EYS: variants seen among roughly 807,000 people sequenced by gnomAD.
The protein encoded by EYS is protein eyes shut homolog.
In EYS, 250 loss-of-function variants were observed where a neutral mutation model predicts 282.1. The observed-to-expected ratio is 0.89, with a 90% confidence interval of 0.80 to 0.98. The LOEUF (loss-of-function observed/expected upper bound fraction) is 0.98. EYS is among the 50% of genes least tolerant of loss of function. EYS has a pLI of 0.00. For synonymous variants in EYS, 1,355 were observed against 1,282.9 expected (o/e 1.06, Z -1.20); for missense variants, 4,016 against 3,709.0 (o/e 1.08, Z -2.15).
At chr6:64,448,410 T>C (rs908235462) in intron 26 of EYS, among the ~76,000 whole-genome samples, 15 of 152,350 alleles carry the variant, frequency 9.8e-5, no homozygotes, top group African/African-American at 3.4e-4. Flanking sequence ...TGCCTGCCTC[T>C]GTAGGCTCCA....
In EYS at chr6:64,196,665, G is replaced by A. The variant is rs557885834; in HGVS notation, c.6424+33927C>T. The stretch of plus-strand genomic sequence containing the variant: ...AAGAACAAAAAACCAAACACCGCAT[G>A]TTCTCACTCATAGATGGGAATTGAA... On this transcript the variant is annotated intron_variant, in intron 31 of 42. Transcript: ENST00000503581. 7.3e-5 allele frequency among the ~76,000 whole-genome samples: 11 copies of A among 149,712 alleles called. No homozygotes were observed. The East Asian group carries it at 1.6e-3, about 22-fold the overall frequency.
intron 41 of EYS, among the ~76,000 whole-genome samples, chr6:63,729,232 A>G (rs1316532063): frequency 2.0e-5 from 3 of 152,160 alleles, no homozygotes; most frequent in African/African-American, 7.2e-5. Context: ...TCTCTATCAG[A>G]TATATATTTT....
chr6:65,512,828 G>T (rs939972936), intron 2 of EYS, among the ~76,000 whole-genome samples: 4 of 151,990 alleles, frequency 2.6e-5, no homozygotes, highest in African/African-American at 9.7e-5. Context: ...ATGCCCACAA[G>T]AGAAAGCAGG....
intron 12 of EYS, among the ~76,000 whole-genome samples, chr6:65,145,824 G>A (rs1282991994): frequency 6.6e-6 from 1 of 151,830 alleles, no homozygotes; most frequent in Non-Finnish European, 1.5e-5. Flanking sequence ...ATGCATTTCA[G>A]AAGAATATTA....
intron 41 of EYS, among the ~76,000 whole-genome samples, chr6:63,733,957 G>C (rs1403825724): frequency 6.6e-6 from 1 of 151,992 alleles, no homozygotes; most frequent in Non-Finnish European, 1.5e-5. Context: ...AGATAGCCAA[G>C]AACAAAAACA....
intron 12 of EYS, among the ~76,000 whole-genome samples, chr6:65,231,406 A>G (rs1766779910): frequency 2.6e-5 from 4 of 151,580 alleles, no homozygotes; most frequent in Non-Finnish European, 5.9e-5. Context: ...AAATTGTTCT[A>G]TGTCGCTCAA....
At chr6:64,306,693 T>C (rs947747808) in intron 30 of EYS, among the ~76,000 whole-genome samples, 7 of 152,188 alleles carry the variant, frequency 4.6e-5, no homozygotes, top group African/African-American at 1.4e-4. Context: ...CTAACTCTGA[T>C]AGAAGATGTT....
intron 33 of EYS, among the ~76,000 whole-genome samples, chr6:64,019,413 T>C (rs1429939089): frequency 7.5e-6 from 1 of 132,650 alleles, no homozygotes; most frequent in Admixed American, 7.3e-5. Flanking sequence ...TTTTCTTTCT[T>C]TCCTTTTTAT....
chr6:65,568,376 C>T (rs554857639), intron 2 of EYS, among the ~76,000 whole-genome samples: 1 of 150,444 alleles, frequency 6.6e-6, no homozygotes, highest in Non-Finnish European at 1.5e-5. Context: ...GTTGGGTCTT[C>T]ATTTTAAAGG....
chr6:63,958,979 C>A (rs1037474157), intron 35 of EYS, among the ~76,000 whole-genome samples: 1 of 152,170 alleles, frequency 6.6e-6, no homozygotes, highest in Admixed American at 6.6e-5. Context: ...CTTGCTGATA[C>A]ATCTTCCATT....
chr6:63,920,097 G>A (rs866779641), intron 35 of EYS, among the ~76,000 whole-genome samples: 4 of 151,662 alleles, frequency 2.6e-5, no homozygotes, highest in African/African-American at 7.3e-5. Flanking sequence ...TTTTAGTAAC[G>A]CACTTACAGT....
At chr6:64,903,823 C>G (rs970358699) in intron 16 of EYS, among the ~76,000 whole-genome samples, 1 of 152,146 alleles carries the variant, frequency 6.6e-6, no homozygotes, top group Non-Finnish European at 1.5e-5. Context: ...AACTGCAAAC[C>G]TGCCTCCCGT....
chr6:64,162,371 A>G (rs1410153728), intron 31 of EYS, among the ~76,000 whole-genome samples: 12 of 152,174 alleles, frequency 7.9e-5, no homozygotes. Context: ...TATCCAGCTC[A>G]GCCAGGGAGG....
At chr6:64,737,639 T>G (rs1772225741) in intron 22 of EYS, among the ~76,000 whole-genome samples, 1 of 152,172 alleles carries the variant, frequency 6.6e-6, no homozygotes, top group Admixed American at 6.5e-5. Context: ...GTCTGATAGG[T>G]CTGATAGGAC....
chr6:65,228,814 A>T (rs686554), intron 12 of EYS, among the ~76,000 whole-genome samples: 1 of 151,852 alleles, frequency 6.6e-6, no homozygotes, highest in Non-Finnish European at 1.5e-5. Flanking sequence ...AGAGAGAAAG[A>T]CACACTTGTT....
intron 14 of EYS, among the ~76,000 whole-genome samples, chr6:64,962,017 T>C (rs573488492): frequency 1.3e-5 from 2 of 152,284 alleles, no homozygotes; most frequent in Admixed American, 1.3e-4. Context: ...AACATAATCA[T>C]AACTTCCTCA....
intron 31 of EYS, among the ~76,000 whole-genome samples, chr6:64,097,111 A>T (rs1404910066): frequency 2.0e-5 from 3 of 152,062 alleles, no homozygotes; most frequent in African/African-American, 7.2e-5. Context: ...GTTCCTCTGG[A>T]AGTTTTGTCT....
chr6:64,207,456 TTAAATA>T (rs1765644168), intron 31 of EYS, among the ~76,000 whole-genome samples: 1 of 152,142 alleles, frequency 6.6e-6, no homozygotes, highest in Non-Finnish European at 1.5e-5. Flanking sequence ...AGTAGTACTA[TTAAATA>T]TAAAGAACTT....
chr6:64,762,252 T>A (rs1773182737), intron 22 of EYS, among the ~76,000 whole-genome samples: 1 of 152,220 alleles, frequency 6.6e-6, no homozygotes, highest in Non-Finnish European at 1.5e-5. Context: ...ATGGTTGTCA[T>A]GATTGACTGC....
Sources: allele counts gnomAD v4.1 joint callset (sites outside exome capture counted in the v4.1 genomes callset), GRCh38; gene constraint gnomAD v4.1.1; transcripts MANE v1.5; gene names NCBI Gene and HGNC (gene_info 2026-07-23, HGNC 2026-07-21).